CDH22: variants seen among roughly 807,000 people sequenced by gnomAD.
CDH22 encodes cadherin-22.
CDH22 carries 30 observed loss-of-function variants against 58.4 expected under a neutral mutation model. That is an observed-to-expected ratio of 0.51 (90% confidence interval 0.38 to 0.70). The LOEUF (loss-of-function observed/expected upper bound fraction) is 0.70. CDH22 is among the 30% of genes least tolerant of loss of function. The pLI, the probability that CDH22 is intolerant of heterozygous loss-of-function variation, is 0.00. For synonymous variants in CDH22, 513 were observed against 558.2 expected (o/e 0.92, Z 1.14); for missense variants, 1,014 against 1,233.9 (o/e 0.82, Z 2.67).
chr20:46,251,222 GC>G lies in CDH22; in HGVS notation c.72del (p.Leu25CysfsTer48). 1 of 1,470,130 alleles carries G rather than the reference GC, an allele frequency of 6.8e-7. No homozygotes were observed. The highest frequency in any genetic ancestry group is 9.0e-7 in the Non-Finnish European group (1 of 1,113,090). The allele number at this position is 1,470,130 out of a possible 1,614,324, so 91.1% of individuals were successfully genotyped here. On this transcript the variant is annotated frameshift_variant, in exon 2 of 12. Transcript: ENST00000537909. LOFTEE classifies it high-confidence loss of function. The surrounding 1 kb of genome is among the most constrained non-coding windows in gnomAD (Gnocchi z 6.7). ...AGCAGCGTCGGCGGCGGCGGCAGCA[GC>G]AGCAGCAGCAGTAGCGCGGGGGACA... The part of the protein sequence containing the change: ...VALSPALLLL[L>X]LLPPPPTLLG...
chr20:46,201,275 A>T (rs1370110496), intron 7 of CDH22, among the ~76,000 whole-genome samples: 1 of 152,200 alleles, frequency 6.6e-6, no homozygotes, highest in Non-Finnish European at 1.5e-5. Flanking sequence ...CACAGGCAGG[A>T]GGAAAGGGGC....
At chr20:46,290,161 A>C (rs977334708) in intron 1 of CDH22, among the ~76,000 whole-genome samples, 7 of 152,242 alleles carry the variant, frequency 4.6e-5, no homozygotes, top group African/African-American at 1.7e-4. Context: ...TGAAGGTGGC[A>C]TCAACTTGAG....
At chr20:46,181,246 A>G (rs919123332) in intron 10 of CDH22, among the ~76,000 whole-genome samples, 6 of 152,262 alleles carry the variant, frequency 3.9e-5, no homozygotes, top group Non-Finnish European at 7.4e-5. Context: ...ACAATTACAA[A>G]CCATGGTGAG....
chr20:46,196,764 T>G (rs1454282483), intron 8 of CDH22, among the ~76,000 whole-genome samples: 1 of 152,094 alleles, frequency 6.6e-6, no homozygotes, highest in Non-Finnish European at 1.5e-5. Context: ...GGTGAAGATT[T>G]CATGAGCTCA....
chr20:46,229,949 C>T lies in CDH22; in HGVS notation c.551-2322G>A, dbSNP rs991732325. ...TCCCTGGCTGCATCCCAGGGACTCCCGAGGGGATGATGGAACCATTTCCCC... is the reference window on the plus strand; with the variant it reads ...TCCCTGGCTGCATCCCAGGGACTCCTGAGGGGATGATGGAACCATTTCCCC... On this transcript the variant is annotated intron_variant, in intron 3 of 11. Transcript: ENST00000537909. Among the ~76,000 whole-genome samples the T allele has an allele frequency of 5.3e-5, 8 of 152,136 alleles. No homozygotes were observed. In the South Asian group the frequency reaches 6.2e-4, roughly 12 times the overall value.
chr20:46,260,475 G>A (rs901650108), intron 1 of CDH22, among the ~76,000 whole-genome samples: 8 of 152,128 alleles, frequency 5.3e-5, no homozygotes, highest in Admixed American at 2.0e-4. Flanking sequence ...GCAAACTTCC[G>A]AAGGACAAAG....
chr20:46,210,375 G>A lies in CDH22; in HGVS notation c.1218C>T (p.Asp406=), dbSNP rs937932890. ...PPSGLLEVQE[D]AQVGSLVGVV... Reference sequence around the variant, plus strand: ...CGCCGACCAGGGAGCCCACCTGCGCGTCCTCCTGCACCTCCAGGAGGCCGG... The same window carrying A: ...CGCCGACCAGGGAGCCCACCTGCGCATCCTCCTGCACCTCCAGGAGGCCGG... Residue 406 remains aspartate, a synonymous_variant, in exon 7 of 12, where the codon GAC becomes GAT. Transcript: ENST00000537909. This position sits in a 1 kb window ranked among gnomAD's most constrained non-coding sequence, Gnocchi z 4.5. The A allele has an allele frequency of 2.0e-6, 3 of 1,484,818 alleles. No individual in the cohort carries two copies. The highest frequency in any genetic ancestry group is 1.5e-5 in the African/African-American group (1 of 68,462). The allele number at this position is 1,484,818 out of a possible 1,614,324, so 92.0% of individuals were successfully genotyped here. A position where few individuals can be genotyped will look rare whatever the true frequency, so the allele number is the denominator to read the frequency against.
rs1223945091 is a variant in CDH22 at position 46,251,217 on chromosome 20, C to A, written c.78G>T (p.Leu26=). The A allele has an allele frequency of 2.9e-6, 4 of 1,357,762 alleles. No homozygotes were observed. The South Asian group carries it at 4.7e-5, about 16-fold the overall frequency. The allele number at this position is 1,357,762 out of a possible 1,614,324, so 84.1% of individuals were successfully genotyped here. A position where few individuals can be genotyped will look rare whatever the true frequency, so the allele number is the denominator to read the frequency against. Residue 26 remains leucine, a synonymous_variant, in exon 2 of 12, where the codon CTG becomes CTT. Transcript: ENST00000537909. The surrounding 1 kb of genome is among the most constrained non-coding windows in gnomAD (Gnocchi z 6.7). The part of the protein sequence containing the change: ...LSPALLLLLL[L]PPPPTLLGRL... ...GCCCCAGCAGCGTCGGCGGCGGCGG[C>A]AGCAGCAGCAGCAGCAGTAGCGCGG...
chr20:46,291,801 C>G (rs1568684561), intron 1 of CDH22, among the ~76,000 whole-genome samples: 1 of 152,240 alleles, frequency 6.6e-6, no homozygotes, highest in East Asian at 1.9e-4. Context: ...TCACAAATGG[C>G]CTCAGACTTC....
At position 46,308,282 on chromosome 20, in the gene CDH22, A is replaced by C; in HGVS notation, c.-427T>G. ...CGGGGAGCGGCCCGGGGCTCCCCCT[A>C]GTCCTGCCGCCTCGGGACGCTGCGT... On this transcript the variant is annotated 5_prime_UTR_variant, in exon 1 of 12. Transcript: ENST00000537909. This position sits in a 1 kb window ranked among gnomAD's most constrained non-coding sequence, Gnocchi z 4.3. 1.3e-5 allele frequency: 2 copies of C among 158,222 alleles called. No homozygotes were observed. The highest frequency in any genetic ancestry group is 2.8e-5 in the Non-Finnish European group (2 of 72,256). The allele number at this position is 158,222 out of a possible 1,614,324, so 9.8% of individuals were successfully genotyped here.
chr20:46,227,495 C>T lies in CDH22; in HGVS notation c.670+13G>A. On this transcript the variant is annotated intron_variant, in intron 4 of 11. Coordinates refer to ENST00000537909, the MANE Select transcript of CDH22 (RefSeq NM_021248.3). ...CCCCACGGCTCCGCCTCTGGCCCCG[C>T]CCTGCCCCTCACCGGTCTTGGGGTC... 6.3e-7 allele frequency: 1 copy of T among 1,582,020 alleles called. No homozygotes were observed.
intron 1 of CDH22, among the ~76,000 whole-genome samples, chr20:46,293,257 C>G (rs575202705): frequency 8.8e-4 from 134 of 152,234 alleles, no homozygotes; most frequent in Non-Finnish European, 1.5e-3. Context: ...TCAGAGAGTA[C>G]CTTGGACAGC....
At chr20:46,292,734 G>A (rs1348491996) in intron 1 of CDH22, among the ~76,000 whole-genome samples, 5 of 152,078 alleles carry the variant, frequency 3.3e-5, no homozygotes, top group South Asian at 2.1e-4. Flanking sequence ...TCTTCCCTGC[G>A]TTGGTTCATG....
chr20:46,233,315 G>A (rs377548322), intron 3 of CDH22, among the ~76,000 whole-genome samples: 6 of 152,182 alleles, frequency 3.9e-5, no homozygotes, highest in Non-Finnish European at 5.9e-5. Context: ...CTGACTGTGT[G>A]TGTGTGGATC....
At chr20:46,291,989 G>A (rs1209637470) in intron 1 of CDH22, among the ~76,000 whole-genome samples, 1 of 152,194 alleles carries the variant, frequency 6.6e-6, no homozygotes, top group African/African-American at 2.4e-5. Flanking sequence ...AATGCCAAAT[G>A]TTCCCTGGAG....
At chr20:46,228,906 G>A (rs1490119073) in intron 3 of CDH22, among the ~76,000 whole-genome samples, 5 of 152,188 alleles carry the variant, frequency 3.3e-5, no homozygotes, top group African/African-American at 7.2e-5. Context: ...CGCCTCTCCC[G>A]CCTCCAGCCT....
At chr20:46,182,291 G>A (rs1055827069) in intron 10 of CDH22, among the ~76,000 whole-genome samples, 7 of 152,158 alleles carry the variant, frequency 4.6e-5, no homozygotes, top group African/African-American at 1.2e-4. Flanking sequence ...GAATGGATGC[G>A]GTCCCTGTCC....
At chr20:46,233,062 C>T (rs897705111) in intron 3 of CDH22, among the ~76,000 whole-genome samples, 8 of 152,222 alleles carry the variant, frequency 5.3e-5, no homozygotes, top group African/African-American at 1.9e-4. Context: ...AGTAGGAAAC[C>T]AGAGGAATCT....
At chr20:46,242,822 C>T (rs933430567) in intron 2 of CDH22, among the ~76,000 whole-genome samples, 14 of 152,124 alleles carry the variant, frequency 9.2e-5, no homozygotes, top group African/African-American at 3.1e-4. Context: ...TGGTAGCTAT[C>T]GTTATTATTA....
Sources: gnomAD v4.1 joint callset for allele counts (sites outside exome capture counted in the v4.1 genomes callset) on GRCh38, gnomAD v4.1.1 for gene constraint, Gnocchi (gnomAD v3.1) non-coding constraint, MANE v1.5 for transcripts, NCBI Gene and HGNC (gene_info 2026-07-23, HGNC 2026-07-21) for gene names.